Variants in NFASC observed in about 807,000 individuals in gnomAD.
The protein encoded by NFASC is neurofascin, also known as neurofascin homolog.
A neutral mutation model predicts 147.5 loss-of-function variants in NFASC; 43 were observed. The ratio of observed to expected loss-of-function variants is 0.29; its 90% confidence interval spans 0.23 to 0.38. The LOEUF is 0.38. Among genes scored for constraint, NFASC ranks in the 10% least tolerant of loss-of-function variants. The probability of loss-of-function intolerance (pLI) is 1.00; values close to 1 mark genes in which losing one functional copy is unlikely to be tolerated. For missense variants in NFASC, 1,320 were observed against 1,689.0 expected, an observed-to-expected ratio of 0.78 and a Z score of 3.83; for synonymous variants, 622 against 665.5, an observed-to-expected ratio of 0.93 and a Z score of 1.01.
At position 204,954,710 on chromosome 1, in the gene NFASC, C is replaced by T; in HGVS notation, c.413-119C>T. Reference sequence around the variant, plus strand: ...ACGTGCCCCGTCCCTCTCTCTTGCTCCCTCCTTCTCCAGGTGCCCCTTCTG... The same window carrying T: ...ACGTGCCCCGTCCCTCTCTCTTGCTTCCTCCTTCTCCAGGTGCCCCTTCTG... On this transcript the variant is annotated intron_variant, in intron 6 of 29. Transcript: ENST00000339876. This position sits in a 1 kb window ranked among gnomAD's most constrained non-coding sequence, Gnocchi z 5.7. 3.2e-6 allele frequency: 4 copies of T among 1,231,576 alleles called. No homozygotes were observed. The highest frequency in any genetic ancestry group is 4.6e-6 in the Non-Finnish European group (4 of 863,984). 76.3% of individuals were successfully genotyped at this position (1,231,576 alleles called of 1,614,324 possible). A position where few individuals can be genotyped will look rare whatever the true frequency, so the allele number is the denominator to read the frequency against.
intron 29 of NFASC, among the ~76,000 whole-genome samples, chr1:205,014,282 C>T (rs2096304851): frequency 6.6e-6 from 1 of 152,220 alleles, no homozygotes; most frequent in East Asian, 1.9e-4. Context: ...CCTGGGCCTG[C>T]ACCCCTACAC....
chr1:204,835,369 A>G (rs777931677), intron 1 of NFASC, among the ~76,000 whole-genome samples: 4 of 151,936 alleles, frequency 2.6e-5, no homozygotes, highest in Non-Finnish European at 5.9e-5. Context: ...CTGAGACTAC[A>G]GGCATCCACC....
intron 2 of NFASC, among the ~76,000 whole-genome samples, chr1:204,920,981 G>C (rs1159920347): frequency 6.6e-6 from 1 of 152,156 alleles, no homozygotes; most frequent in Non-Finnish European, 1.5e-5. Flanking sequence ...CCCTGGCAGG[G>C]ACAGTCAGCC....
chr1:204,978,574 G>A (rs3892248), intron 17 of NFASC, among the ~76,000 whole-genome samples: 23,449 of 152,166 alleles, frequency 0.15, 1,956 homozygotes, highest in Non-Finnish European at 0.19. Context: ...GAGAAAATGG[G>A]ACAGAATCCC....
rs369172068 is a variant in NFASC at position 204,835,194 on chromosome 1, G to C, written c.-200+6412G>C. ...TGATCTGGAAAAGCCTCTTGCAAGA[G>C]GAAGTACTTGAGGTGGGTCTTTTTT... On this transcript the variant is annotated intron_variant, in intron 1 of 29. Coordinates refer to ENST00000339876, the MANE Select transcript of NFASC (RefSeq NM_001005388.3). Among the ~76,000 whole-genome samples, 6 of 151,286 alleles carry C rather than the reference G, an allele frequency of 4.0e-5. No individual in the cohort carries two copies. The East Asian group carries it at 5.9e-4, about 15-fold the overall frequency.
intron 1 of NFASC, among the ~76,000 whole-genome samples, chr1:204,871,421 T>C (rs1055547976): frequency 2.0e-5 from 3 of 151,976 alleles, no homozygotes; most frequent in African/African-American, 7.3e-5. Context: ...GGAATGAGGG[T>C]GTCTGGAAAA....
intron 1 of NFASC, among the ~76,000 whole-genome samples, chr1:204,844,734 G>T (rs1308151337): frequency 6.6e-6 from 1 of 152,142 alleles, no homozygotes; most frequent in Non-Finnish European, 1.5e-5. Context: ...ACAGGGACAG[G>T]TTTATTTTAA....
At chr1:204,851,071 G>C (rs1397830764) in intron 1 of NFASC, among the ~76,000 whole-genome samples, 1 of 152,144 alleles carries the variant, frequency 6.6e-6, no homozygotes, top group African/African-American at 2.4e-5. Context: ...AATTATATCT[G>C]AAGTGGATTT....
intron 20 of NFASC, among the ~76,000 whole-genome samples, chr1:204,980,707 G>A (rs1283677907): frequency 6.6e-6 from 1 of 152,194 alleles, no homozygotes; most frequent in South Asian, 2.1e-4. Flanking sequence ...CTAGCAAAAC[G>A]CATAGAGGAT....
chr1:204,959,441 G>A (rs2094565818), intron 8 of NFASC, among the ~76,000 whole-genome samples: 1 of 152,228 alleles, frequency 6.6e-6, no homozygotes, highest in Non-Finnish European at 1.5e-5. Context: ...TCCACATCAG[G>A]GTGACTGCCT....
At chr1:204,940,885 G>T (rs1382040387) in intron 2 of NFASC, among the ~76,000 whole-genome samples, 2 of 152,218 alleles carry the variant, frequency 1.3e-5, no homozygotes, top group African/African-American at 4.8e-5. Context: ...TGGCTGTTGT[G>T]CATGATGCTG....
chr1:204,995,315 AGTGTGTGTGT>A (rs60921990), intron 24 of NFASC, among the ~76,000 whole-genome samples: 52 of 140,878 alleles, frequency 3.7e-4, no homozygotes, highest in South Asian at 1.2e-3. Context: ...ATGTGTGCAC[AGTGTGTGTGT>A]GTGTGTGTGT....
intron 2 of NFASC, among the ~76,000 whole-genome samples, chr1:204,927,546 C>T (rs558944755): frequency 6.6e-6 from 1 of 152,298 alleles, no homozygotes; most frequent in East Asian, 1.9e-4. Context: ...AGGCCCCTTT[C>T]TGGACTTCTA....
At chr1:204,845,744 T>A (rs56096307) in intron 1 of NFASC, among the ~76,000 whole-genome samples, 14 of 151,520 alleles carry the variant, frequency 9.2e-5, no homozygotes, top group Non-Finnish European at 1.3e-4. Flanking sequence ...TCTAAAAAAA[T>A]TTTTTAAAAA....
In NFASC at chr1:204,954,233, C is replaced by G; in HGVS notation, c.261C>G (p.Asp87Glu). Reference sequence around the variant, plus strand: ...GCAGATTCTTCAACATCGCCAAGGACCCCCGGGTGTCCATGAGGAGGAGGT... The same window carrying G: ...GCAGATTCTTCAACATCGCCAAGGAGCCCCGGGTGTCCATGAGGAGGAGGT... ...RNSRFFNIAK[D>E]PRVSMRRRSG... Residue 87 changes from aspartate (D) to glutamate (E), a missense_variant, in exon 6 of 30, where the codon GAC becomes GAG. Asp to Glu is a conservative substitution (Grantham distance 45). Around this residue, in one of 3 missense-constraint regions of NFASC, gnomAD observed 981 missense variants for 1,289.5 expected, o/e 0.76. Coordinates refer to ENST00000339876, the MANE Select transcript of NFASC (RefSeq NM_001005388.3). This position sits in a 1 kb window ranked among gnomAD's most constrained non-coding sequence, Gnocchi z 5.7. The G allele has an allele frequency of 1.2e-6, 2 of 1,614,168 alleles. No homozygotes were observed. The highest frequency in any genetic ancestry group is 1.7e-6 in the Non-Finnish European group (2 of 1,180,022).
chr1:204,955,071 A>G (rs1262664248), intron 7 of NFASC, 120 bp downstream of exon 7: 10 of 1,229,584 alleles, frequency 8.1e-6, no homozygotes, highest in African/African-American at 1.5e-5. Context: ...GGCAGGTGCA[A>G]TGTGGCAACC....
At chr1:204,983,906 C>T (rs1448338130) in intron 21 of NFASC, 2 of 668,324 alleles carry the variant, frequency 3.0e-6, no homozygotes, top group Non-Finnish European at 5.5e-6. Flanking sequence ...GAGATATGGC[C>T]CCTGCCCTCA....
rs750805687 is a variant in NFASC, at chr1:204,952,028, A to G, written c.127A>G (p.Ile43Val). ...TGTTGCAGTGACGCAGCCGCCAACC[A>G]TCACCAAGCAGTCAGCGAAGGATCA... The part of the protein sequence containing the change: ...IQNELTQPPT[I>V]TKQSAKDHIV... Residue 43 changes from isoleucine to valine, a missense_variant, in exon 5 of 30, where the codon ATC becomes GTC. Ile to Val is a conservative substitution (Grantham distance 29). Coordinates refer to ENST00000339876, the MANE Select transcript of NFASC (RefSeq NM_001005388.3). 1 of 1,614,084 alleles carries G rather than the reference A, an allele frequency of 6.2e-7. No homozygotes were observed. The highest frequency in any genetic ancestry group is 8.5e-7 in the Non-Finnish European group (1 of 1,179,998).
chr1:204,953,808 C>T (rs959955432), intron 5 of NFASC, among the ~76,000 whole-genome samples: 2 of 152,152 alleles, frequency 1.3e-5, no homozygotes, highest in Non-Finnish European at 1.5e-5. Context: ...TTGGAAATGT[C>T]CTGGGGTGGA....
Sources: allele counts gnomAD v4.1 joint callset (sites outside exome capture counted in the v4.1 genomes callset), GRCh38; gene constraint gnomAD v4.1.1; regional missense constraint gnomAD v4.1.1; non-coding constraint Gnocchi (gnomAD v3.1); transcripts MANE v1.5; gene names NCBI Gene and HGNC (gene_info 2026-07-23, HGNC 2026-07-21).